Variants in FBN2 observed in about 807,000 individuals in gnomAD.
FBN2 encodes the protein fibrillin-2.
FBN2 carries 105 observed loss-of-function variants against 355.6 expected under a neutral mutation model. The observed-to-expected ratio is 0.30, with a 90% confidence interval of 0.25 to 0.35. The LOEUF is 0.35. FBN2 is among the 10% of genes least tolerant of loss of function. FBN2 has a pLI of 1.00. For missense variants in FBN2, 3,280 were observed against 3,758.7 expected (o/e 0.87, Z 3.33); for synonymous variants, 1,350 against 1,301.2 (o/e 1.04, Z -0.81).
At chr5:128,364,532 A>C (rs915337364) in intron 18 of FBN2, 68 bp downstream of exon 18, 3 of 1,482,220 alleles carry the variant, frequency 2.0e-6, no homozygotes, top group Non-Finnish European at 2.8e-6. Flanking sequence ...TTGTGTTTTT[A>C]ATTCTAATAT....
rs80163482 is a variant in FBN2, at chr5:128,462,829, T to A, written c.826+1895A>T. Among the ~76,000 whole-genome samples the A allele has an allele frequency of 1.3e-3, 192 of 152,300 alleles. 1 individual carries two copies. The highest frequency in any genetic ancestry group is 4.4e-3 in the African/African-American group (184 of 41,584). On this transcript the variant is annotated intron_variant, in intron 6 of 64. Transcript: ENST00000262464. The stretch of plus-strand genomic sequence containing the variant: ...TTTCTTAACCTGAACTGTTTCTTTC[T>A]CTGAAATAGTGGGTTTTGGAAGTAT...
chr5:128,323,503 A>G (rs1455605911), intron 34 of FBN2, among the ~76,000 whole-genome samples: 1 of 152,152 alleles, frequency 6.6e-6, no homozygotes, highest in African/African-American at 2.4e-5. Context: ...CTATTTTATC[A>G]AAGGCCTAGT....
At chr5:128,283,124 G>C (rs1040207695) in intron 55 of FBN2, among the ~76,000 whole-genome samples, 1 of 152,154 alleles carries the variant, frequency 6.6e-6, no homozygotes, top group African/African-American at 2.4e-5. Context: ...TCCAAGGCCA[G>C]CTCTTGCACC....
Position 128,464,743 on chromosome 5 carries a change from G to A in FBN2, c.807C>T (p.Ile269=). Residue 269 remains isoleucine, a synonymous_variant, in exon 6 of 65, where the codon ATC becomes ATT. Coordinates refer to ENST00000262464, the MANE Select transcript of FBN2 (RefSeq NM_001999.4). Reference sequence around the variant, plus strand: ...ACTCACCTTGGCAAGCTCCAGTGCGGATGTTGGGGATGAAACCCCGTCGGC... The same window carrying A: ...ACTCACCTTGGCAAGCTCCAGTGCGAATGTTGGGGATGAAACCCCGTCGGC... ...QPCRRGFIPN[I]RTGACQDVDE... The A allele has an allele frequency of 6.2e-7, 1 of 1,613,746 alleles. No individual in the cohort carries two copies. The highest frequency in any genetic ancestry group is 8.5e-7 in the Non-Finnish European group (1 of 1,179,954).
intron 15 of FBN2, among the ~76,000 whole-genome samples, chr5:128,374,156 G>A (rs1165442917): frequency 1.3e-5 from 2 of 151,968 alleles, no homozygotes. Context: ...CCTTCTGTAG[G>A]TTCTGAAGGG....
In FBN2 at chr5:128,537,890, G is replaced by C; in HGVS notation, c.-287C>G. The stretch of plus-strand genomic sequence containing the variant: ...GTACACGTTGCATAACCGGCCTAAA[G>C]CCCCGAGCGACTCCAGGACCGTCAG... On this transcript the variant is annotated 5_prime_UTR_variant, in exon 1 of 65. Coordinates refer to ENST00000262464, the MANE Select transcript of FBN2 (RefSeq NM_001999.4). 45 of 507,564 alleles carry C rather than the reference G, an allele frequency of 8.9e-5. No homozygotes were observed. The highest frequency in any genetic ancestry group is 5.3e-4 in the Middle Eastern group (1 of 1,880). The allele number at this position is 507,564 out of a possible 1,614,324, so 31.4% of individuals were successfully genotyped here.
intron 11 of FBN2, among the ~76,000 whole-genome samples, chr5:128,381,355 A>G (rs1752231467): frequency 6.6e-6 from 1 of 152,100 alleles, no homozygotes; most frequent in African/African-American, 2.4e-5. Flanking sequence ...CCTTTAATAA[A>G]TCTATTGCCT....
Position 128,344,937 on chromosome 5 carries a change from G to A in FBN2, c.3217+420C>T, listed in dbSNP as rs548590994. Among the ~76,000 whole-genome samples, 62 of 152,258 alleles carry A rather than the reference G, an allele frequency of 4.1e-4. 2 individuals carry two copies. The South Asian group carries it at 0.013, about 31-fold the overall frequency. The stretch of plus-strand genomic sequence containing the variant: ...GCTGGTCTTGAACTCCTGACCTCAG[G>A]TGATCCACCCACCTCAGCCTCCCAA... On this transcript the variant is annotated intron_variant, in intron 24 of 64. Transcript: ENST00000262464.
At position 128,349,365 on chromosome 5, in the gene FBN2, T is replaced by G; in HGVS notation, c.2971A>C (p.Thr991Pro). ...ECPEGLTLDG[T>P]GRVCLDIRME... ...ATCTTACCCAAACATACACGGCCAG[T>G]CCCATCCAACGTAAGGCCTTCAGGG... The change falls in exon 23 of 65, where the codon ACT becomes CCT. Residue 991 changes from threonine (T) to proline (P), a missense_variant. Around this residue, in one of 6 missense-constraint regions of FBN2, gnomAD observed 2,284 missense variants for 2,749.5 expected, o/e 0.83. Coordinates refer to ENST00000262464, the MANE Select transcript of FBN2 (RefSeq NM_001999.4). 6.2e-7 allele frequency: 1 copy of G among 1,614,048 alleles called. No homozygotes were observed. The highest frequency in any genetic ancestry group is 8.5e-7 in the Non-Finnish European group (1 of 1,179,984).
At chr5:128,381,001 C>CA (rs1259989430) in intron 11 of FBN2, among the ~76,000 whole-genome samples, 1 of 152,014 alleles carries the variant, frequency 6.6e-6, no homozygotes, top group Admixed American at 6.6e-5. Flanking sequence ...GTTAATTTCT[C>CA]AAATACTACT....
intron 62 of FBN2, among the ~76,000 whole-genome samples, chr5:128,264,975 A>T (rs1467751642): frequency 1.3e-5 from 2 of 152,234 alleles, no homozygotes; most frequent in African/African-American, 4.8e-5. Context: ...TGATAGTCTC[A>T]GAATTAAAGG....
intron 20 of FBN2, among the ~76,000 whole-genome samples, chr5:128,353,009 C>CA (rs753974631): frequency 1.3e-5 from 2 of 151,786 alleles, no homozygotes; most frequent in Non-Finnish European, 2.9e-5. Context: ...CCCGTCTCTA[C>CA]AAAAAACACA....
rs922913125 is a variant in FBN2 at position 128,281,506 on chromosome 5, G to A, written c.7013-1189C>T. On this transcript the variant is annotated intron_variant, in intron 55 of 64. Transcript: ENST00000262464. ...ATTTACTTATCTCTGCTCTCTCCCTGAACCACCTGCCATGTTGATGTTATC... is the reference window on the plus strand; with the variant it reads ...ATTTACTTATCTCTGCTCTCTCCCTAAACCACCTGCCATGTTGATGTTATC... Among the ~76,000 whole-genome samples, 8 of 152,228 alleles carry A rather than the reference G, an allele frequency of 5.3e-5. No individual in the cohort carries two copies. In the South Asian group the frequency reaches 6.2e-4, roughly 12 times the overall value.
Position 128,464,802 on chromosome 5 carries a change from G to C in FBN2, c.748C>G (p.Pro250Ala), listed in dbSNP as rs1379119533. The C allele has an allele frequency of 6.2e-7, 1 of 1,614,224 alleles. No homozygotes were observed. The highest frequency in any genetic ancestry group is 1.3e-5 in the African/African-American group (1 of 75,070). The change falls in exon 6 of 65, where the codon CCC becomes GCC. Residue 250 changes from proline (P) to alanine (A), a missense_variant. Around this residue, in one of 6 missense-constraint regions of FBN2, gnomAD observed 130 missense variants for 189.9 expected, o/e 0.68. Coordinates refer to ENST00000262464, the MANE Select transcript of FBN2 (RefSeq NM_001999.4). ...GGCTGGGCTGGACACATCTCACAGG[G>C]ATGGCCCCACGCCCGTCCAATGGTG... ...CATIGRAWGH[P>A]CEMCPAQPQP...
chr5:128,312,978 C>A (rs1388660113), intron 36 of FBN2, among the ~76,000 whole-genome samples, 183 bp from the exon 37 acceptor site: 2 of 152,176 alleles, frequency 1.3e-5, no homozygotes, highest in African/African-American at 4.8e-5. Flanking sequence ...TCAGAGGAAG[C>A]CAATCATGGC....
At chr5:128,415,754 G>C (rs1273380050) in intron 7 of FBN2, among the ~76,000 whole-genome samples, 4 of 152,086 alleles carry the variant, frequency 2.6e-5, no homozygotes, top group Admixed American at 2.6e-4. Context: ...AGTTTTATTT[G>C]TAATTTTTTG....
chr5:128,496,768 A>T (rs556537934), intron 5 of FBN2, among the ~76,000 whole-genome samples: 29 of 151,892 alleles, frequency 1.9e-4, no homozygotes, highest in African/African-American at 6.5e-4. Context: ...TAAAATATAC[A>T]TTATGAAAAA....
At position 128,305,871 on chromosome 5, in the gene FBN2, C is replaced by T. The variant is rs1207820976; in HGVS notation, c.5500G>A (p.Glu1834Lys). ...TTGTAACTGAATCCTGTAGGGCATT[C>T]ACAGCGGAAACTGCCAATCTGGTTA... is the stretch of plus-strand genomic sequence containing the variant. ...CINQIGSFRC[E>K]CPTGFSYNDL... Residue 1834 changes from glutamate to lysine, a missense_variant, in exon 43 of 65, where the codon GAA (glutamate) becomes AAA (lysine). Physicochemically the swap from Glu to Lys is moderately conservative, Grantham distance 56. Coordinates refer to ENST00000262464, the MANE Select transcript of FBN2 (RefSeq NM_001999.4). 3.1e-6 allele frequency: 5 copies of T among 1,613,912 alleles called. No homozygotes were observed. Among genetic ancestry groups the T allele is most frequent in the Non-Finnish European group, 4.2e-6 (5 of 1,179,916 alleles).
rs376491648 is a variant in FBN2, at chr5:128,464,924, G to A, written c.629-3C>T. On this transcript the variant is annotated splice_polypyrimidine_tract_variant and splice_region_variant and intron_variant, in intron 5 of 64. Coordinates refer to ENST00000262464, the MANE Select transcript of FBN2 (RefSeq NM_001999.4). ...GAAACACGGGCCTGTCCTGTAATCT[G>A]GAATGTGGGAGAAGAAAGAAAGACA... 3.1e-6 allele frequency: 5 copies of A among 1,613,924 alleles called. No homozygotes were observed. In the Admixed American group the frequency reaches 6.7e-5, roughly 22 times the overall value.
Sources: gnomAD v4.1 joint callset for allele counts (sites outside exome capture counted in the v4.1 genomes callset) on GRCh38, gnomAD v4.1.1 for gene constraint, gnomAD v4.1.1 regional missense constraint, MANE v1.5 for transcripts, NCBI Gene and HGNC (gene_info 2026-07-23, HGNC 2026-07-21) for gene names.